The following LUZP2 variants were observed in gnomAD, a reference collection of about 807,000 sequenced individuals.
The protein encoded by LUZP2 is leucine zipper protein 2.
LUZP2 carries 52 observed loss-of-function variants against 51.6 expected under a neutral mutation model. The observed-to-expected ratio is 1.01, with a 90% CI of 0.81 to 1.27. The LOEUF (loss-of-function observed/expected upper bound fraction) is 1.27. Ranked by LOEUF, LUZP2 falls within the 50% of genes most tolerant of loss-of-function variation. LUZP2 has a pLI of 0.00. For missense variants in LUZP2, 436 were observed against 395.4 expected (o/e 1.10, Z -0.87); for synonymous variants, 154 against 137.3 (o/e 1.12, Z -0.85).
rs1373849032 is a variant in LUZP2 at position 24,531,057 on chromosome 11, A to ATTG, written c.62+33754_62+33755insGTT. Among the ~76,000 whole-genome samples, 3 of 146,554 alleles carry ATTG rather than the reference A, an allele frequency of 2.0e-5. No homozygotes were observed. In the East Asian group the frequency reaches 5.8e-4, roughly 29 times the overall value. Reference sequence around the variant, plus strand: ...AGCCTCTTTTATTATTATTATTATTATTATTATTTTGCCAGTGGAATTAAC... The same window carrying ATTG: ...AGCCTCTTTTATTATTATTATTATTATTGTTATTATTTTGCCAGTGGAATTAAC... On this transcript the variant is annotated intron_variant, in intron 1 of 11. Coordinates refer to ENST00000336930, the MANE Select transcript of LUZP2 (RefSeq NM_001009909.4).
At chr11:24,569,886 C>A (rs546500520) in intron 1 of LUZP2, among the ~76,000 whole-genome samples, 19 of 128,442 alleles carry the variant, frequency 1.5e-4, no homozygotes, top group African/African-American at 4.6e-4. Context: ...GTAATTATGG[C>A]TTTGGAAGAC....
intron 5 of LUZP2, among the ~76,000 whole-genome samples, chr11:24,853,112 A>G (rs1851445898): frequency 6.6e-6 from 1 of 152,164 alleles, no homozygotes; most frequent in South Asian, 2.1e-4. Context: ...TTATCCTGTC[A>G]TTATGATGCT....
At chr11:24,770,117 G>T (rs57753550) in intron 5 of LUZP2, among the ~76,000 whole-genome samples, 12,184 of 152,104 alleles carry the variant, frequency 0.08, 1,057 homozygotes, top group African/African-American at 0.22. Context: ...AGTTCAGAAT[G>T]TATTCTTTCA....
chr11:24,530,330 A>C (rs931312742), intron 1 of LUZP2, among the ~76,000 whole-genome samples: 1 of 150,884 alleles, frequency 6.6e-6, no homozygotes, highest in Admixed American at 6.6e-5. Context: ...AATAGTTGTT[A>C]AGTCTACATC....
At chr11:24,609,307 A>G (rs1413346720) in intron 1 of LUZP2, among the ~76,000 whole-genome samples, 2 of 152,204 alleles carry the variant, frequency 1.3e-5, no homozygotes, top group African/African-American at 4.8e-5. Context: ...GTGTTTGCCA[A>G]GTTGACAGAT....
chr11:25,057,554 T>A (rs1364666161), intron 10 of LUZP2, among the ~76,000 whole-genome samples: 1 of 152,202 alleles, frequency 6.6e-6, no homozygotes, highest in African/African-American at 2.4e-5. Flanking sequence ...CTTGCAAATG[T>A]GCCTCATATT....
intron 1 of LUZP2, among the ~76,000 whole-genome samples, chr11:24,614,844 A>T (rs2133893651): frequency 6.6e-6 from 1 of 152,042 alleles, no homozygotes; most frequent in East Asian, 1.9e-4. Context: ...TAATTTGATT[A>T]CTTCTTTATA....
chr11:24,792,058 C>T lies in LUZP2; in HGVS notation c.396+28750C>T, dbSNP rs545111174. On this transcript the variant is annotated intron_variant, in intron 5 of 11. Transcript: ENST00000336930. ...TGGAATTCTTCATTTTAAAATTATCCGATCATTTCTTCCATGTATAGAGAA... is the reference window on the plus strand; with the variant it reads ...TGGAATTCTTCATTTTAAAATTATCTGATCATTTCTTCCATGTATAGAGAA... 8.6e-4 allele frequency among the ~76,000 whole-genome samples: 130 copies of T among 151,310 alleles called. 1 individual carries two copies. Among genetic ancestry groups the T allele is most frequent in the African/African-American group, 2.9e-3 (120 of 41,276 alleles).
At position 24,826,190 on chromosome 11, in the gene LUZP2, A is replaced by AAAAAAATATAT. The variant is rs1215786412; in HGVS notation, c.396+62883_396+62884insAAAAATATATA. ...GACTCCATCTCAAAAAAAAAAAAAA[A>AAAAAAATATAT]ATATATATATATATATATAGTAAAA... On this transcript the variant is annotated intron_variant, in intron 5 of 11. Transcript: ENST00000336930. Among the ~76,000 whole-genome samples the AAAAAAATATAT allele has an allele frequency of 2.9e-3, 197 of 67,548 alleles. 1 individual carries two copies. The highest frequency in any genetic ancestry group is 9.6e-3 in the East Asian group (17 of 1,776). 44.3% of individuals were successfully genotyped at this position (67,548 alleles called of 152,430 possible). A position where few individuals can be genotyped will look rare whatever the true frequency, so the allele number is the denominator to read the frequency against.
chr11:24,686,976 C>T (rs187768829), intron 1 of LUZP2, among the ~76,000 whole-genome samples: 4 of 152,058 alleles, frequency 2.6e-5, no homozygotes, highest in Admixed American at 2.6e-4. Flanking sequence ...CACTGGTGCC[C>T]CAAGGCGACC....
At chr11:24,628,641 C>G (rs999789333) in intron 1 of LUZP2, among the ~76,000 whole-genome samples, 3 of 152,162 alleles carry the variant, frequency 2.0e-5, no homozygotes, top group Admixed American at 2.0e-4. Context: ...TCACTGCAAT[C>G]TCCACCTCCC....
At chr11:24,610,135 G>A (rs959804338) in intron 1 of LUZP2, among the ~76,000 whole-genome samples, 2 of 152,198 alleles carry the variant, frequency 1.3e-5, no homozygotes, top group Admixed American at 1.3e-4. Flanking sequence ...ACTGACTGAA[G>A]AATGGCGTTC....
chr11:25,055,212 T>C (rs1414673449), intron 10 of LUZP2, among the ~76,000 whole-genome samples: 2 of 151,952 alleles, frequency 1.3e-5, no homozygotes, highest in East Asian at 1.9e-4. Context: ...GCTTTCACCA[T>C]GCTGGCCAGG....
intron 1 of LUZP2, among the ~76,000 whole-genome samples, chr11:24,721,259 C>T (rs1414668910): frequency 6.6e-6 from 1 of 151,978 alleles, no homozygotes; most frequent in African/African-American, 2.4e-5. Flanking sequence ...ATGAAGCAAG[C>T]AACATTTTAT....
chr11:24,621,651 A>G (rs533544283), intron 1 of LUZP2, among the ~76,000 whole-genome samples: 18 of 152,086 alleles, frequency 1.2e-4, no homozygotes, highest in Admixed American at 7.2e-4. Flanking sequence ...TATTTTCTGT[A>G]TCTATATTAT....
Position 24,640,723 on chromosome 11 carries a change from G to T in LUZP2, c.63-88446G>T, listed in dbSNP as rs763301101. ...GAATTTGCTTGAGGATTCATAGGATGTTATGTAGATAAGCATTAGGAGTTA... is the reference window on the plus strand; with the variant it reads ...GAATTTGCTTGAGGATTCATAGGATTTTATGTAGATAAGCATTAGGAGTTA... On this transcript the variant is annotated intron_variant, in intron 1 of 11. Coordinates refer to ENST00000336930, the MANE Select transcript of LUZP2 (RefSeq NM_001009909.4). 1.2e-4 allele frequency among the ~76,000 whole-genome samples: 18 copies of T among 151,784 alleles called. 1 individual carries two copies. The highest frequency in any genetic ancestry group is 1.5e-4 in the Non-Finnish European group (10 of 68,006).
At chr11:24,602,002 A>ATATGTGTATATGTATATATGTG (rs1565019995) in intron 1 of LUZP2, among the ~76,000 whole-genome samples, 1 of 78,034 alleles carries the variant, frequency 1.3e-5, no homozygotes, top group African/African-American at 4.8e-5. Flanking sequence ...ATATATGTAT[A>ATATGTGTATATGTATATATGTG]TATATGTATA....
At chr11:24,765,726 C>T (rs1041551973) in intron 5 of LUZP2, among the ~76,000 whole-genome samples, 5 of 149,692 alleles carry the variant, frequency 3.3e-5, no homozygotes, top group Admixed American at 1.3e-4. Context: ...CTCCCAGGTT[C>T]ACACCATTCT....
chr11:24,515,179 G>T (rs1285588092), intron 1 of LUZP2, among the ~76,000 whole-genome samples: 2 of 152,116 alleles, frequency 1.3e-5, no homozygotes, highest in African/African-American at 2.4e-5. Flanking sequence ...CATCTAGAAT[G>T]TTATTTTTAT....
Sources: allele counts gnomAD v4.1 joint callset (sites outside exome capture counted in the v4.1 genomes callset), GRCh38; gene constraint gnomAD v4.1.1; transcripts MANE v1.5; gene names NCBI Gene and HGNC (gene_info 2026-07-23, HGNC 2026-07-21).